The following THSD7A variants were observed in gnomAD, a reference collection of about 807,000 sequenced individuals.
The protein encoded by THSD7A is thrombospondin type 1 domain containing 7A, also known as thrombospondin type-1 domain-containing protein 7A.
Under a neutral mutation model 231.3 loss-of-function variants are expected in THSD7A, and 96 were observed. The observed-to-expected ratio is 0.41, with a 90% CI of 0.35 to 0.49. THSD7A has a LOEUF of 0.49. Among genes scored for constraint, THSD7A ranks in the 20% least tolerant of loss-of-function variants. The probability of loss-of-function intolerance (pLI) is 0.05; values close to 1 mark genes in which losing one functional copy is unlikely to be tolerated. For missense variants in THSD7A, 2,290 were observed against 2,070.2 expected (o/e 1.11, Z -2.06); for synonymous variants, 940 against 743.3 (o/e 1.26, Z -4.30).
chr7:11,474,455 T>G lies in THSD7A; in HGVS notation c.2131A>C (p.Thr711Pro). The G allele has an allele frequency of 6.2e-7, 1 of 1,613,580 alleles. No homozygotes were observed. Among genetic ancestry groups the G allele is most frequent in the South Asian group, 1.1e-5 (1 of 91,062 alleles). Reference protein sequence around the residue: ...TGPWGQCIEDTSVSSFNTTTT... With the variant: ...TGPWGQCIEDPSVSSFNTTTT... Reference sequence around the variant, plus strand: ...GTTGTGTTGAAGGACGATACTGAGGTGTCCTCAATGCACTGGCCCCAGGGA... The same window carrying G: ...GTTGTGTTGAAGGACGATACTGAGGGGTCCTCAATGCACTGGCCCCAGGGA... Residue 711 changes from threonine (T) to proline (P), a missense_variant, in exon 8 of 28, where the codon ACC becomes CCC. By Grantham distance (38) the Thr-to-Pro change is conservative. Transcript: ENST00000423059. The surrounding 1 kb of genome is among the most constrained non-coding windows in gnomAD (Gnocchi z 4.1).
intron 1 of THSD7A, among the ~76,000 whole-genome samples, chr7:11,638,200 T>A (rs892745836): frequency 6.6e-6 from 1 of 152,194 alleles, no homozygotes; most frequent in African/African-American, 2.4e-5. Flanking sequence ...ACTGTGGAAA[T>A]TTGAAACCTG....
intron 1 of THSD7A, among the ~76,000 whole-genome samples, chr7:11,655,387 G>C (rs146413007): frequency 6.6e-6 from 1 of 151,874 alleles, no homozygotes; most frequent in African/African-American, 2.4e-5. Context: ...TCTGTTGTTG[G>C]ACAGCTACAC....
At chr7:11,485,425 T>C (rs1786613533) in intron 6 of THSD7A, among the ~76,000 whole-genome samples, 1 of 152,206 alleles carries the variant, frequency 6.6e-6, no homozygotes, top group Non-Finnish European at 1.5e-5. Context: ...CTGAAAACAT[T>C]TATTCAATGA....
intron 4 of THSD7A, among the ~76,000 whole-genome samples, chr7:11,547,896 C>T (rs1389210636): frequency 6.6e-6 from 1 of 152,086 alleles, no homozygotes; most frequent in Non-Finnish European, 1.5e-5. Context: ...TAAATGCTCA[C>T]ATCAAAAAAT....
At chr7:11,403,182 T>C (rs1378042175) in intron 22 of THSD7A, among the ~76,000 whole-genome samples, 1 of 152,178 alleles carries the variant, frequency 6.6e-6, no homozygotes, top group Non-Finnish European at 1.5e-5. Context: ...AGCCAGGTCA[T>C]ATGAATAATT....
intron 6 of THSD7A, among the ~76,000 whole-genome samples, chr7:11,484,697 G>A (rs543450263): frequency 3.9e-5 from 6 of 151,928 alleles, no homozygotes; most frequent in African/African-American, 1.4e-4. Context: ...TTTAAGTTGT[G>A]CTAGGAAATA....
intron 2 of THSD7A, among the ~76,000 whole-genome samples, chr7:11,633,179 T>C (rs966023829): frequency 1.3e-5 from 2 of 152,162 alleles, no homozygotes; most frequent in African/African-American, 4.8e-5. Flanking sequence ...GAAAACCATA[T>C]TTCCTTTAAC....
At chr7:11,534,340 G>T (rs1788828179) in intron 6 of THSD7A, among the ~76,000 whole-genome samples, 1 of 152,166 alleles carries the variant, frequency 6.6e-6, no homozygotes, top group Non-Finnish European at 1.5e-5. Flanking sequence ...TGGACGAAGT[G>T]ATATTGTGTG....
chr7:11,734,831 G>C (rs6956994), intron 1 of THSD7A, among the ~76,000 whole-genome samples: 1 of 151,644 alleles, frequency 6.6e-6, no homozygotes, highest in Non-Finnish European at 1.5e-5. Context: ...AAGGGAGAAA[G>C]TAATTGAATA....
chr7:11,804,194 AT>A (rs1192484247), intron 1 of THSD7A, among the ~76,000 whole-genome samples: 2 of 152,106 alleles, frequency 1.3e-5, no homozygotes, highest in East Asian at 3.9e-4. Flanking sequence ...ACTCATTTTT[AT>A]TCCAATTGAT....
rs1782555298 is a variant in THSD7A, at chr7:11,382,464, A to AGG, written c.4507+56_4507+57insCC. The AGG allele has an allele frequency of 2.2e-6, 3 of 1,357,972 alleles. No homozygotes were observed. The Admixed American group carries it at 5.4e-5, about 24-fold the overall frequency. 84.1% of individuals were successfully genotyped at this position (1,357,972 alleles called of 1,614,324 possible). ...GTTTCCTTAATTATTTTCTTCAACCAATCACATGTGTGTTACAGGAAGATT... is the reference window on the plus strand; with the variant it reads ...GTTTCCTTAATTATTTTCTTCAACCAGGATCACATGTGTGTTACAGGAAGATT... On this transcript the variant is annotated intron_variant, in intron 24 of 27. Coordinates refer to ENST00000423059, the MANE Select transcript of THSD7A (RefSeq NM_015204.3).
At chr7:11,501,611 T>C (rs1405753980) in intron 6 of THSD7A, among the ~76,000 whole-genome samples, 1 of 152,154 alleles carries the variant, frequency 6.6e-6, no homozygotes, top group African/African-American at 2.4e-5. Context: ...TGCCAGAATC[T>C]CTGGGAAATA....
chr7:11,760,880 G>A (rs1471027237), intron 1 of THSD7A, among the ~76,000 whole-genome samples: 1 of 150,302 alleles, frequency 6.7e-6, no homozygotes, highest in African/African-American at 2.4e-5. Context: ...TCATACCACA[G>A]GGCATAATAA....
At chr7:11,682,246 T>C (rs912932147) in intron 1 of THSD7A, among the ~76,000 whole-genome samples, 1 of 152,082 alleles carries the variant, frequency 6.6e-6, no homozygotes, top group African/African-American at 2.4e-5. Context: ...AACTAACACC[T>C]TTAATATCAA....
intron 1 of THSD7A, among the ~76,000 whole-genome samples, chr7:11,716,932 C>T (rs542259176): frequency 2.0e-5 from 3 of 151,622 alleles, no homozygotes; most frequent in East Asian, 3.9e-4. Context: ...TGAGTGGTAA[C>T]GAATACCCTT....
At chr7:11,489,312 T>C (rs1786792826) in intron 6 of THSD7A, among the ~76,000 whole-genome samples, 1 of 152,142 alleles carries the variant, frequency 6.6e-6, no homozygotes, top group Non-Finnish European at 1.5e-5. Flanking sequence ...GCCTTGAAAT[T>C]CACTTCAGCT....
intron 17 of THSD7A, chr7:11,413,962 C>T (rs938234677): frequency 6.6e-6 from 1 of 152,250 alleles, no homozygotes; most frequent in Non-Finnish European, 1.5e-5. Flanking sequence ...CCCCTTCCCC[C>T]AAACTGCCTT....
chr7:11,783,002 T>C (rs1020725785), intron 1 of THSD7A, among the ~76,000 whole-genome samples: 1 of 152,160 alleles, frequency 6.6e-6, no homozygotes. Context: ...GATTTGAGTG[T>C]GCGAACCATA....
rs965549577 is a variant in THSD7A, at chr7:11,634,863, T to G, written c.1022+1267A>C. Among the ~76,000 whole-genome samples the G allele has an allele frequency of 6.6e-6, 1 of 152,086 alleles. No homozygotes were observed. The highest frequency in any genetic ancestry group is 1.5e-5 in the Non-Finnish European group (1 of 68,016). On this transcript the variant is annotated intron_variant, in intron 2 of 27. Coordinates refer to ENST00000423059, the MANE Select transcript of THSD7A (RefSeq NM_015204.3). The surrounding 1 kb of genome is among the most constrained non-coding windows in gnomAD (Gnocchi z 4.1). The stretch of plus-strand genomic sequence containing the variant: ...ACCAATCAATTTTTGTTTATCTAAT[T>G]AAACTATATCCTTTTCCAAAAACAC...
Sources: allele counts gnomAD v4.1 joint callset (sites outside exome capture counted in the v4.1 genomes callset), GRCh38; gene constraint gnomAD v4.1.1; non-coding constraint Gnocchi (gnomAD v3.1); transcripts MANE v1.5; gene names NCBI Gene and HGNC (gene_info 2026-07-23, HGNC 2026-07-21).